SPMIP3: variants seen among roughly 807,000 people sequenced by gnomAD.
SPMIP3 encodes protein SPMIP3.
the SPMIP3 span, among the ~76,000 whole-genome samples, chr1:244,380,589 C>G: frequency 6.6e-6 from 1 of 152,166 alleles, no homozygotes; most frequent in Admixed American, 6.5e-5. Flanking sequence ...CCAGGTCACA[C>G]AGCTAGGCGG....
chr1:244,364,803 C>T, the SPMIP3 span: 2 of 1,592,040 alleles, frequency 1.3e-6, no homozygotes, highest in South Asian at 2.2e-5. Context: ...AGCCAGGCAG[C>T]CAGGTGCCTG....
the SPMIP3 span, among the ~76,000 whole-genome samples, chr1:244,360,396 T>C: frequency 3.3e-5 from 5 of 152,140 alleles, no homozygotes; most frequent in Non-Finnish European, 5.9e-5. Flanking sequence ...GAAATTGTTA[T>C]ATCAAAGAGA....
the SPMIP3 span, among the ~76,000 whole-genome samples, chr1:244,357,707 C>CAAAAAA: frequency 2.0e-4 from 19 of 95,050 alleles, no homozygotes; most frequent in Admixed American, 2.6e-4. Context: ...GACTCCATCT[C>CAAAAAA]AAAAAAAAAA....
At chr1:244,380,400 G>A in the SPMIP3 span, among the ~76,000 whole-genome samples, 4 of 152,126 alleles carry the variant, frequency 2.6e-5, no homozygotes, top group East Asian at 1.9e-4. Flanking sequence ...GATTACAGGC[G>A]TGAGCCACTG....
chr1:244,363,958 G>A, the SPMIP3 span, among the ~76,000 whole-genome samples: 1 of 149,334 alleles, frequency 6.7e-6, no homozygotes, highest in South Asian at 2.2e-4. Context: ...GAAATGTCGT[G>A]CTTAGCTTGC....
the SPMIP3 span, among the ~76,000 whole-genome samples, chr1:244,368,482 C>T: frequency 6.6e-6 from 1 of 152,218 alleles, no homozygotes; most frequent in African/African-American, 2.4e-5. Flanking sequence ...CTTAAACTCA[C>T]GTCTGTGCTT....
chr1:244,377,949 G>A, the SPMIP3 span, among the ~76,000 whole-genome samples: 1 of 152,136 alleles, frequency 6.6e-6, no homozygotes, highest in Non-Finnish European at 1.5e-5. Context: ...AGGACTACAG[G>A]TGTACACCCC....
At chr1:244,373,332 T>TTTA in the SPMIP3 span, among the ~76,000 whole-genome samples, 21 of 85,148 alleles carry the variant, frequency 2.5e-4, 3 homozygotes, top group African/African-American at 7.8e-4. Flanking sequence ...CAAAAAAAAA[T>TTTA]TATATATATA....
At chr1:244,369,633 A>T in the SPMIP3 span, among the ~76,000 whole-genome samples, 4 of 151,994 alleles carry the variant, frequency 2.6e-5, no homozygotes, top group Non-Finnish European at 5.9e-5. Context: ...AGGTTTTATA[A>T]CCGAGCTTGA....
chr1:244,361,934 C>T, the SPMIP3 span, among the ~76,000 whole-genome samples: 1 of 152,096 alleles, frequency 6.6e-6, no homozygotes, highest in Non-Finnish European at 1.5e-5. Context: ...TTTCGGAGTT[C>T]GGGTTAGCAG....
chr1:244,389,030 G>T, the SPMIP3 span: 1 of 1,613,806 alleles, frequency 6.2e-7, no homozygotes, highest in Non-Finnish European at 8.5e-7. Flanking sequence ...GTTGTGAAGA[G>T]AGAAGCAGCT....
chr1:244,361,919 G>A, the SPMIP3 span, among the ~76,000 whole-genome samples: 1 of 152,080 alleles, frequency 6.6e-6, no homozygotes, highest in Admixed American at 6.6e-5. Flanking sequence ...CTCCAGTCAC[G>A]AAGCTTTCGG....
the SPMIP3 span, among the ~76,000 whole-genome samples, chr1:244,380,841 T>G: frequency 6.8e-6 from 1 of 147,796 alleles, no homozygotes; most frequent in South Asian, 2.2e-4. Flanking sequence ...GAGGGAGAGG[T>G]GGATCTTGGG....
the SPMIP3 span, among the ~76,000 whole-genome samples, chr1:244,381,729 G>A: frequency 1.3e-5 from 2 of 152,170 alleles, no homozygotes; most frequent in Non-Finnish European, 2.9e-5. Flanking sequence ...TGAGAAGTTC[G>A]AGACCAGCCT....
the SPMIP3 span, among the ~76,000 whole-genome samples, chr1:244,368,484 T>G: frequency 1.3e-5 from 2 of 152,224 alleles, no homozygotes; most frequent in African/African-American, 4.8e-5. Flanking sequence ...TAAACTCACG[T>G]CTGTGCTTGT....
At chr1:244,379,219 C>T in the SPMIP3 span, among the ~76,000 whole-genome samples, 8 of 150,992 alleles carry the variant, frequency 5.3e-5, no homozygotes, top group South Asian at 4.2e-4. Flanking sequence ...TGAGCCACTG[C>T]GCCCGGCCTT....
At chr1:244,378,602 T>A in the SPMIP3 span, 4 of 1,614,092 alleles carry the variant, frequency 2.5e-6, no homozygotes, top group Non-Finnish European at 3.4e-6. Context: ...AAGAAACCAC[T>A]TACCGACGAG....
At chr1:244,352,954 CT>C in the SPMIP3 span, among the ~76,000 whole-genome samples, 1 of 152,032 alleles carries the variant, frequency 6.6e-6, no homozygotes, top group African/African-American at 2.4e-5. Flanking sequence ...CTCAACGTGT[CT>C]TTTTTTTCTT....
At chr1:244,386,517 A>T in the SPMIP3 span, among the ~76,000 whole-genome samples, 2 of 152,194 alleles carry the variant, frequency 1.3e-5, no homozygotes, top group African/African-American at 4.8e-5. Flanking sequence ...GTATGATTCA[A>T]CCCCATCGTA....
Sources: allele counts gnomAD v4.1 joint callset (sites outside exome capture counted in the v4.1 genomes callset), GRCh38; gene constraint gnomAD v4.1.1; transcripts MANE v1.5; gene names NCBI Gene and HGNC (gene_info 2026-07-23, HGNC 2026-07-21).